The following FGD4 variants were observed in gnomAD, a reference collection of about 807,000 sequenced individuals.
FGD4 encodes FYVE, RhoGEF and PH domain containing 4, also known as FYVE, RhoGEF and PH domain-containing protein 4.
FGD4 carries 42 observed loss-of-function variants against 102.0 expected under a neutral mutation model. The observed-to-expected ratio is 0.41, with a 90% CI of 0.32 to 0.53. The LOEUF (loss-of-function observed/expected upper bound fraction) is 0.53, where lower values mean the gene tolerates loss of function less well. Ranked by LOEUF, FGD4 falls within the 20% of genes least tolerant of loss-of-function variation. The pLI, the probability that FGD4 is intolerant of heterozygous loss-of-function variation, is 0.21. For missense variants in FGD4, 902 were observed against 1,078.2 expected (o/e 0.84, Z 2.29); for synonymous variants, 380 against 375.7 (o/e 1.01, Z -0.13).
intron 15 of FGD4, among the ~76,000 whole-genome samples, chr12:32,635,842 G>A (rs907419569): frequency 2.6e-5 from 4 of 151,366 alleles, no homozygotes; most frequent in South Asian, 2.1e-4. Context: ...GTGAAACCCC[G>A]TCTTTACTAA....
intron 1 of FGD4, among the ~76,000 whole-genome samples, chr12:32,418,203 G>A (rs1423710034): frequency 2.6e-5 from 4 of 151,958 alleles, no homozygotes; most frequent in African/African-American, 7.3e-5. Flanking sequence ...TGATCCGCCC[G>A]CCTCTGCCTC....
intron 11 of FGD4, 101 bp from the exon 12 acceptor site, chr12:32,624,321 G>T: frequency 1.1e-6 from 1 of 939,868 alleles, no homozygotes; most frequent in South Asian, 1.5e-5. Context: ...TAACATCCCT[G>T]AATTTTCCAG....
intron 1 of FGD4, among the ~76,000 whole-genome samples, chr12:32,419,988 C>T (rs1941569997): frequency 6.6e-6 from 1 of 152,182 alleles, no homozygotes; most frequent in South Asian, 2.1e-4. Context: ...CTATTCTCTT[C>T]AATGTCTCTT....
Position 32,642,047 on chromosome 12 carries a change from A to G in FGD4, c.*1514A>G, listed in dbSNP as rs1038167887. On this transcript the variant is annotated 3_prime_UTR_variant, in exon 17 of 17. Coordinates refer to ENST00000534526, the MANE Select transcript of FGD4 (RefSeq NM_001370298.3). ...CCTTAGATATAGAATAGAATTTGAG[A>G]CTGCCACACATTTATTCAGGCCTTG... 2.6e-5 allele frequency: 4 copies of G among 152,160 alleles called. No homozygotes were observed. Among genetic ancestry groups the G allele is most frequent in the African/African-American group, 9.7e-5 (4 of 41,436 alleles). The allele number at this position is 152,160 out of a possible 1,614,324, so 9.4% of individuals were successfully genotyped here.
intron 7 of FGD4, 55 bp downstream of exon 7, chr12:32,602,372 CAGTCTTCTAT>C (rs1262123511): frequency 1.3e-6 from 2 of 1,599,618 alleles, no homozygotes; most frequent in Non-Finnish European, 1.7e-6. Flanking sequence ...ACAAATTATA[CAGTCTTCTAT>C]ATCTAAAACT....
chr12:32,563,702 C>T (rs1480511207), intron 1 of FGD4, among the ~76,000 whole-genome samples: 1 of 152,188 alleles, frequency 6.6e-6, no homozygotes, highest in Non-Finnish European at 1.5e-5. Context: ...GCACTCCAGC[C>T]TGGGCACCAT....
chr12:32,487,615 C>T (rs751482021), intron 1 of FGD4, among the ~76,000 whole-genome samples: 8 of 152,122 alleles, frequency 5.3e-5, no homozygotes, highest in African/African-American at 9.7e-5. Flanking sequence ...TTAGTAGAGA[C>T]GAGGTTTTGC....
chr12:32,521,372 CAAA>C (rs60786078), intron 1 of FGD4, among the ~76,000 whole-genome samples: 3 of 93,954 alleles, frequency 3.2e-5, no homozygotes, highest in Non-Finnish European at 6.3e-5. Flanking sequence ...GACTCCGTCT[CAAA>C]AAAAAAAAAA....
intron 1 of FGD4, among the ~76,000 whole-genome samples, chr12:32,563,114 C>T (rs1316560981): frequency 2.0e-5 from 3 of 150,944 alleles, no homozygotes; most frequent in South Asian, 2.1e-4. Context: ...ACCTCCCTCC[C>T]GGACGGGACG....
intron 2 of FGD4, 138 bp from the exon 3 acceptor site, chr12:32,576,128 G>A (rs989610952): frequency 2.4e-6 from 2 of 818,016 alleles, no homozygotes; most frequent in African/African-American, 1.7e-5. Flanking sequence ...TTTGGTTATG[G>A]TTTAGTTCAA....
At chr12:32,500,541 C>G (rs1189578991) in intron 1 of FGD4, among the ~76,000 whole-genome samples, 4 of 152,026 alleles carry the variant, frequency 2.6e-5, no homozygotes, top group Admixed American at 6.6e-5. Flanking sequence ...TCAAGAGATT[C>G]TCCTGCCTCA....
At chr12:32,586,592 C>A (rs552315859) in intron 4 of FGD4, among the ~76,000 whole-genome samples, 59 of 152,174 alleles carry the variant, frequency 3.9e-4, no homozygotes, top group Middle Eastern at 3.4e-3. Flanking sequence ...AAAAATGAGT[C>A]AGATGAAAGG....
At chr12:32,413,670 A>T (rs1941293086) in intron 1 of FGD4, among the ~76,000 whole-genome samples, 1 of 152,142 alleles carries the variant, frequency 6.6e-6, no homozygotes, top group Non-Finnish European at 1.5e-5. Flanking sequence ...CTGCTGACAC[A>T]ATCTGGAAGT....
intron 4 of FGD4, among the ~76,000 whole-genome samples, chr12:32,589,534 T>C (rs1305219595): frequency 1.3e-5 from 2 of 152,270 alleles, no homozygotes; most frequent in African/African-American, 4.8e-5. Context: ...AGTTATTTAA[T>C]GTGTATACAT....
In FGD4 at chr12:32,564,231, T is replaced by C; in HGVS notation, c.261T>C (p.Ala87=). ...LVGENVSEEE[A]QGINGNRPAK... The stretch of plus-strand genomic sequence containing the variant: ...GTGAGAATGTATCTGAAGAAGAGGC[T>C]CAGGGAATAAATGGGAACAGGCCAG... Residue 87 remains alanine, a synonymous_variant, in exon 2 of 17, where the codon GCT becomes GCC. Transcript: ENST00000534526. The C allele has an allele frequency of 6.5e-7, 1 of 1,535,980 alleles. No homozygotes were observed. Among genetic ancestry groups the C allele is most frequent in the Non-Finnish European group, 8.7e-7 (1 of 1,146,878 alleles).
chr12:32,464,688 G>A (rs1943204723), intron 1 of FGD4, among the ~76,000 whole-genome samples: 1 of 152,162 alleles, frequency 6.6e-6, no homozygotes, highest in African/African-American at 2.4e-5. Context: ...GAAGATAGAT[G>A]CTATTAATTA....
chr12:32,446,842 G>A (rs1362529200), intron 1 of FGD4, among the ~76,000 whole-genome samples: 8 of 152,118 alleles, frequency 5.3e-5, no homozygotes, highest in East Asian at 1.9e-4. Flanking sequence ...GAGGAACAGC[G>A]CGTACAGGAA....
At chr12:32,588,511 A>G (rs542009095) in intron 4 of FGD4, among the ~76,000 whole-genome samples, 2 of 152,314 alleles carry the variant, frequency 1.3e-5, no homozygotes, top group African/African-American at 4.8e-5. Context: ...CACAGCACGG[A>G]GGTAGCTTGC....
rs1009736403 is a variant in FGD4 at position 32,399,751 on chromosome 12, C to T, written c.-43C>T. The T allele has an allele frequency of 1.3e-5, 20 of 1,522,064 alleles. No homozygotes were observed. The African/African-American group carries it at 1.6e-4, about 12-fold the overall frequency. The allele number at this position is 1,522,064 out of a possible 1,614,324, so 94.3% of individuals were successfully genotyped here. A position where few individuals can be genotyped will look rare whatever the true frequency, so the allele number is the denominator to read the frequency against. Reference sequence around the variant, plus strand: ...CCCCCAGGGGCCGCTCGCGGCTGGACGGGAGCGGGAGGAGTCGGGGAGCGG... The same window carrying T: ...CCCCCAGGGGCCGCTCGCGGCTGGATGGGAGCGGGAGGAGTCGGGGAGCGG... On this transcript the variant is annotated 5_prime_UTR_variant, in exon 1 of 17. It adds an upstream start codon to the 5' untranslated region. Transcript: ENST00000534526.
Sources: gnomAD v4.1 joint callset for allele counts (sites outside exome capture counted in the v4.1 genomes callset) on GRCh38, gnomAD v4.1.1 for gene constraint, MANE v1.5 for transcripts, NCBI Gene and HGNC (gene_info 2026-07-23, HGNC 2026-07-21) for gene names.